HTT: variants seen among roughly 807,000 people sequenced by gnomAD.
The protein encoded by HTT is huntington disease protein.
HTT carries 104 observed loss-of-function variants against 362.3 expected under a neutral mutation model. The ratio of observed to expected loss-of-function variants is 0.29; its 90% confidence interval spans 0.24 to 0.34. The LOEUF is 0.34. Among genes scored for constraint, HTT ranks in the 10% least tolerant of loss-of-function variants. The probability of loss-of-function intolerance (pLI) is 1.00; values close to 1 mark genes in which losing one functional copy is unlikely to be tolerated. For missense variants in HTT, 3,301 were observed against 3,928.6 expected, an observed-to-expected ratio of 0.84 and a Z score of 4.27; for synonymous variants, 1,577 against 1,548.7, an observed-to-expected ratio of 1.02 and a Z score of -0.43.
chr4:3,219,822 A>G (rs1720593297), intron 52 of HTT, among the ~76,000 whole-genome samples: 1 of 152,144 alleles, frequency 6.6e-6, no homozygotes, highest in Admixed American at 6.5e-5. Context: ...AACATATCTG[A>G]GCTGAACCTC....
chr4:3,206,349 T>C lies in HTT; in HGVS notation c.5719-147T>C. On this transcript the variant is annotated intron_variant, in intron 42 of 66. Coordinates refer to ENST00000355072, the MANE Select transcript of HTT (RefSeq NM_001388492.1). The surrounding 1 kb of genome is among the most constrained non-coding windows in gnomAD (Gnocchi z 4.6). The stretch of plus-strand genomic sequence containing the variant: ...ATCGAGTTTCCTACCTCCTCAATTA[T>C]TTGTGCTCATACACTGTATATTTTT... The C allele has an allele frequency of 1.6e-6, 1 of 634,728 alleles. No individual in the cohort carries two copies. Among genetic ancestry groups the C allele is most frequent in the South Asian group, 2.1e-5 (1 of 48,282 alleles). 39.3% of individuals were successfully genotyped at this position (634,728 alleles called of 1,614,324 possible).
chr4:3,188,009 C>G (rs1455470602), intron 39 of HTT, 123 bp downstream of exon 39: 6 of 633,704 alleles, frequency 9.5e-6, no homozygotes, highest in Non-Finnish European at 1.7e-5. Flanking sequence ...GTAAAGAAGT[C>G]TGTATCAGTG....
chr4:3,195,420 G>T (rs114811858), intron 40 of HTT, among the ~76,000 whole-genome samples: 4 of 152,012 alleles, frequency 2.6e-5, no homozygotes, highest in African/African-American at 9.6e-5. Flanking sequence ...CTTCCTGCCC[G>T]CCTCCTTTCC....
At chr4:3,234,451 C>G (rs1370002119) in intron 61 of HTT, among the ~76,000 whole-genome samples, 1 of 152,264 alleles carries the variant, frequency 6.6e-6, no homozygotes, top group East Asian at 1.9e-4. Context: ...GCCTGCAAAT[C>G]AGGCACATAT....
At chr4:3,101,224 A>G (rs976691362) in intron 3 of HTT, among the ~76,000 whole-genome samples, 2 of 151,988 alleles carry the variant, frequency 1.3e-5, no homozygotes, top group Non-Finnish European at 2.9e-5. Flanking sequence ...TTTTCCAGGA[A>G]TTGCTGGACA....
In HTT at chr4:3,240,167, C is replaced by T. The variant is rs1371023042; in HGVS notation, c.*108C>T. 1.4e-5 allele frequency: 13 copies of T among 904,296 alleles called. No homozygotes were observed. The highest frequency in any genetic ancestry group is 1.2e-4 in the Admixed American group (5 of 42,144). The allele number at this position is 904,296 out of a possible 1,614,324, so 56.0% of individuals were successfully genotyped here. On this transcript the variant is annotated 3_prime_UTR_variant, in exon 67 of 67. Transcript: ENST00000355072. ...AGCCAGCTTGGTCCCTATGGGCTTCCGCACATGCCGCGGGCGGCCAGGCAA... is the reference window on the plus strand; with the variant it reads ...AGCCAGCTTGGTCCCTATGGGCTTCTGCACATGCCGCGGGCGGCCAGGCAA...
intron 1 of HTT, among the ~76,000 whole-genome samples, chr4:3,077,532 G>T (rs2110132283): frequency 6.6e-6 from 1 of 152,242 alleles, no homozygotes; most frequent in South Asian, 2.1e-4. Flanking sequence ...TGCTTCTCCT[G>T]CCTCAGCCTT....
intron 62 of HTT, 74 bp from the exon 63 acceptor site, chr4:3,235,491 T>G: frequency 6.5e-7 from 1 of 1,544,010 alleles, no homozygotes. Flanking sequence ...CAGTTTTGAC[T>G]TGGTCGGGAG....
In HTT at chr4:3,217,830, T is replaced by C; in HGVS notation, c.7120T>C (p.Leu2374=). 2 of 1,614,218 alleles carry C rather than the reference T, an allele frequency of 1.2e-6. No individual in the cohort carries two copies. Among genetic ancestry groups the C allele is most frequent in the Non-Finnish European group, 1.7e-6 (2 of 1,180,016 alleles). ...AEMVESLQSV[L]ALGHKRNSGV... ...AATGGTGGAGTCTCTGCAGTCGGTGTTGGCCTTGGGTCATAAAAGGAATAG... is the reference window on the plus strand; with the variant it reads ...AATGGTGGAGTCTCTGCAGTCGGTGCTGGCCTTGGGTCATAAAAGGAATAG... Residue 2374 remains leucine, a synonymous_variant, in exon 52 of 67, where the codon TTG becomes CTG. Transcript: ENST00000355072.
intron 25 of HTT, among the ~76,000 whole-genome samples, chr4:3,147,379 T>A (rs2110204921): frequency 6.6e-6 from 1 of 152,206 alleles, no homozygotes; most frequent in South Asian, 2.1e-4. Flanking sequence ...ATTTATGGGC[T>A]GGTAGGAAAG....
At chr4:3,201,441 A>C (rs1719524359) in intron 41 of HTT, among the ~76,000 whole-genome samples, 2 of 151,744 alleles carry the variant, frequency 1.3e-5, no homozygotes, top group African/African-American at 4.8e-5. Flanking sequence ...GAGGCGGGAG[A>C]ATCGCTTGAA....
At chr4:3,114,261 TC>T (rs1373742563) in intron 6 of HTT, among the ~76,000 whole-genome samples, 4 of 152,362 alleles carry the variant, frequency 2.6e-5, no homozygotes, top group East Asian at 1.9e-4. Context: ...GGCCAGGTGT[TC>T]CTTGCCCTCA....
rs529451130 is a variant in HTT, at chr4:3,145,437, A to G, written c.3143+209A>G. 2.3e-4 allele frequency among the ~76,000 whole-genome samples: 35 copies of G among 152,312 alleles called. 1 individual carries two copies. Among genetic ancestry groups the G allele is most frequent in the African/African-American group, 6.0e-4 (25 of 41,578 alleles). ...AAATGAATGCCAAATGTTCTTAGGC[A>G]TTGATGGGAATTTCAGGGTGTGGTC... On this transcript the variant is annotated intron_variant, in intron 24 of 66. Coordinates refer to ENST00000355072, the MANE Select transcript of HTT (RefSeq NM_001388492.1).
intron 2 of HTT, among the ~76,000 whole-genome samples, chr4:3,089,400 C>T (rs745407199): frequency 1.8e-4 from 27 of 152,118 alleles, no homozygotes; most frequent in Admixed American, 1.3e-3. Flanking sequence ...ACTACAGGCA[C>T]CCGCCACCAT....
At position 3,233,320 on chromosome 4, in the gene HTT, A is replaced by T. The variant is rs760448114; in HGVS notation, c.8423A>T (p.Asp2808Val). ...AAGCAGCTCATCCCGGTCATCAGCG[A>T]CTATCTCCTCTCCAACCTGAAAGGG... ...TAKQLIPVIS[D>V]YLLSNLKGIA... is the part of the protein sequence containing the mutation. Residue 2808 changes from aspartate to valine, a missense_variant, in exon 61 of 67, where the codon GAC (aspartate) becomes GTC (valine). Coordinates refer to ENST00000355072, the MANE Select transcript of HTT (RefSeq NM_001388492.1). The T allele has an allele frequency of 3.1e-6, 5 of 1,607,700 alleles. No homozygotes were observed. The African/African-American group carries it at 6.7e-5, about 21-fold the overall frequency.
chr4:3,107,329 A>AG lies in HTT; in HGVS notation c.654dup (p.Arg219GlufsTer27). The AG allele has an allele frequency of 6.2e-7, 1 of 1,614,188 alleles. No homozygotes were observed. Among genetic ancestry groups the AG allele is most frequent in the Non-Finnish European group, 8.5e-7 (1 of 1,179,978 alleles). On this transcript the variant is annotated frameshift_variant, in exon 6 of 67. Coordinates refer to ENST00000355072, the MANE Select transcript of HTT (RefSeq NM_001388492.1). LOFTEE classifies it high-confidence loss of function. ...CTGCCGTGCCTGACTCGAACAAGCAAGAGACCCGAAGAATCAGTCCAGGAG... is the reference window on the plus strand; with the variant it reads ...CTGCCGTGCCTGACTCGAACAAGCAAGGAGACCCGAAGAATCAGTCCAGGAG...
chr4:3,173,003 C>G lies in HTT; in HGVS notation c.4038C>G (p.Gly1346=). Residue 1346 remains glycine (G), a synonymous_variant, in exon 31 of 67, where the codon GGC becomes GGG. Transcript: ENST00000355072. ...SKSQGRAQRL[G]SSSVRPGLYH... is the part of the protein sequence containing the mutation. ...CACAAGGCCGAGCACAGCGCCTTGG[C>G]TCCTCCAGTGTGAGGCCAGGCTTGT... The G allele has an allele frequency of 1.2e-6, 2 of 1,614,208 alleles. No individual in the cohort carries two copies. Among genetic ancestry groups the G allele is most frequent in the Non-Finnish European group, 8.5e-7 (1 of 1,180,032 alleles).
intron 6 of HTT, among the ~76,000 whole-genome samples, chr4:3,110,609 C>A (rs1376057102): frequency 6.6e-6 from 1 of 152,190 alleles, no homozygotes; most frequent in African/African-American, 2.4e-5. Context: ...ATAAAAATGC[C>A]ATTTTTTTTC....
intron 2 of HTT, among the ~76,000 whole-genome samples, chr4:3,096,449 A>C (rs1189213853): frequency 6.6e-6 from 1 of 152,256 alleles, no homozygotes; most frequent in Non-Finnish European, 1.5e-5. Context: ...ATGTTTGCCA[A>C]GATAGAGCAG....
Sources: gnomAD v4.1 joint callset for allele counts (sites outside exome capture counted in the v4.1 genomes callset) on GRCh38, gnomAD v4.1.1 for gene constraint, Gnocchi (gnomAD v3.1) non-coding constraint, MANE v1.5 for transcripts, NCBI Gene and HGNC (gene_info 2026-07-23, HGNC 2026-07-21) for gene names.